CDH13: variants seen among roughly 807,000 people sequenced by gnomAD.
CDH13 encodes the protein cadherin 13.
Under a neutral mutation model 63.8 loss-of-function variants are expected in CDH13, and 24 were observed. That is an observed-to-expected ratio of 0.38 (90% CI 0.27 to 0.53). The LOEUF (loss-of-function observed/expected upper bound fraction) is 0.53. Ranked by LOEUF, CDH13 falls within the 20% of genes least tolerant of loss-of-function variation. The pLI is 0.85. For missense variants in CDH13, 1,049 were observed against 903.1 expected (o/e 1.16, Z -2.07); for synonymous variants, 503 against 355.3 (o/e 1.42, Z -4.67).
At chr16:83,777,415 C>T (rs146635777) in intron 11 of CDH13, among the ~76,000 whole-genome samples, 7 of 152,322 alleles carry the variant, frequency 4.6e-5, no homozygotes, top group African/African-American at 7.2e-5. Flanking sequence ...CCTGCAGCTG[C>T]GCTGAGTCTT....
chr16:82,685,485 G>A (rs766830857), intron 1 of CDH13, among the ~76,000 whole-genome samples: 1 of 152,186 alleles, frequency 6.6e-6, no homozygotes, highest in African/African-American at 2.4e-5. Flanking sequence ...ATGGATGTTG[G>A]GGGGAATAAA....
rs550320383 is a variant in CDH13, at chr16:83,285,243, T to C, written c.637-59619T>C. ...AACGTCTCACCTAGAAAAAAGTCAT[T>C]ATGTAGTTTTTTCTGGGCTCATGGT... On this transcript the variant is annotated intron_variant, in intron 5 of 13. Transcript: ENST00000567109. Among the ~76,000 whole-genome samples the C allele has an allele frequency of 5.9e-5, 9 of 152,146 alleles. No individual in the cohort carries two copies. The South Asian group carries it at 1.2e-3, about 21-fold the overall frequency.
At position 82,942,528 on chromosome 16, in the gene CDH13, C is replaced by T. The variant is rs1019521; in HGVS notation, c.157+84055C>T. Among the ~76,000 whole-genome samples, 658 of 152,252 alleles carry T rather than the reference C, an allele frequency of 4.3e-3. 4 individuals are homozygous for T. Among genetic ancestry groups the T allele is most frequent in the Middle Eastern group, 0.017 (5 of 294 alleles). ...AGAGGGTCAGAGTTGGCTTTCTGAGCGGATGTGCCATTTAGGTGGAGAAGT... is the reference window on the plus strand; with the variant it reads ...AGAGGGTCAGAGTTGGCTTTCTGAGTGGATGTGCCATTTAGGTGGAGAAGT... On this transcript the variant is annotated intron_variant, in intron 2 of 13. Coordinates refer to ENST00000567109, the MANE Select transcript of CDH13 (RefSeq NM_001257.5).
chr16:83,751,983 G>A (rs907532103), intron 11 of CDH13, among the ~76,000 whole-genome samples: 1 of 152,340 alleles, frequency 6.6e-6, no homozygotes, highest in South Asian at 2.1e-4. Flanking sequence ...CGACTTATCA[G>A]AACAGAAAAG....
At chr16:82,723,533 C>T (rs8055771) in intron 1 of CDH13, among the ~76,000 whole-genome samples, 2,059 of 152,154 alleles carry the variant, frequency 0.014, 38 homozygotes, top group African/African-American at 0.046. Flanking sequence ...CAAATTTGCC[C>T]TATTCCTCTG....
intron 8 of CDH13, among the ~76,000 whole-genome samples, chr16:83,629,803 C>T (rs1012516661): frequency 5.9e-5 from 9 of 152,228 alleles, no homozygotes; most frequent in African/African-American, 1.9e-4. Flanking sequence ...AATTGGAAAA[C>T]TCCTTGGCCA....
At position 82,718,402 on chromosome 16, in the gene CDH13, G is replaced by T. The variant is rs529451087; in HGVS notation, c.45+91265G>T. Among the ~76,000 whole-genome samples, 34 of 152,192 alleles carry T rather than the reference G, an allele frequency of 2.2e-4. 1 individual carries two copies. The highest frequency in any genetic ancestry group is 6.8e-3 in the Middle Eastern group (2 of 294). Reference sequence around the variant, plus strand: ...TGACAGCTCTGCTGTAGATTTCCCCGGGCAGGTGACCTCTGAACTGCCACC... The same window carrying T: ...TGACAGCTCTGCTGTAGATTTCCCCTGGCAGGTGACCTCTGAACTGCCACC... On this transcript the variant is annotated intron_variant, in intron 1 of 13. Transcript: ENST00000567109.
At chr16:83,453,864 A>G (rs1359993237) in intron 6 of CDH13, among the ~76,000 whole-genome samples, 3 of 152,160 alleles carry the variant, frequency 2.0e-5, no homozygotes, top group Non-Finnish European at 4.4e-5. Context: ...CCTGATAATG[A>G]CCCTGCCTTT....
At chr16:83,570,119 C>A (rs1011690735) in intron 7 of CDH13, among the ~76,000 whole-genome samples, 2 of 152,120 alleles carry the variant, frequency 1.3e-5, no homozygotes, top group Non-Finnish European at 2.9e-5. Context: ...TGTTTTCTTA[C>A]AAAACAGGAA....
intron 10 of CDH13, among the ~76,000 whole-genome samples, chr16:83,741,304 T>A (rs1331035914): frequency 1.3e-5 from 2 of 152,314 alleles, no homozygotes; most frequent in East Asian, 1.9e-4. Context: ...CGGGGTCCAG[T>A]GGACTGAAAT....
intron 2 of CDH13, among the ~76,000 whole-genome samples, chr16:82,868,027 T>G (rs374715444): frequency 8.5e-5 from 13 of 152,358 alleles, no homozygotes; most frequent in African/African-American, 2.6e-4. Flanking sequence ...CTTTACATAT[T>G]TTATACAAGC....
chr16:82,826,332 G>A (rs1407773143), intron 1 of CDH13: 1 of 152,136 alleles, frequency 6.6e-6, no homozygotes, highest in Non-Finnish European at 1.5e-5. Flanking sequence ...TGCTTAAATT[G>A]TCCAAGTTGA....
intron 6 of CDH13, among the ~76,000 whole-genome samples, chr16:83,393,448 A>G (rs1301624272): frequency 2.6e-5 from 4 of 152,114 alleles, no homozygotes; most frequent in Non-Finnish European, 5.9e-5. Context: ...CCAGCCCAGA[A>G]TTTCTGTCAC....
intron 2 of CDH13, among the ~76,000 whole-genome samples, chr16:82,921,986 G>C (rs1433086619): frequency 3.3e-5 from 5 of 152,018 alleles, no homozygotes; most frequent in Admixed American, 3.3e-4. Context: ...TCTTGAACCA[G>C]TTTGGTAATT....
rs563715078 is a variant in CDH13 at position 83,087,782 on chromosome 16, T to C, written c.367-37603T>C. Among the ~76,000 whole-genome samples the C allele has an allele frequency of 3.9e-5, 6 of 152,226 alleles. No homozygotes were observed. In the South Asian group the frequency reaches 6.2e-4, roughly 16 times the overall value. ...GAATTTTTAAACCTAATGATGTTTA[T>C]TTTCAAACACTTCAGTCCATTTATT... On this transcript the variant is annotated intron_variant, in intron 3 of 13. Coordinates refer to ENST00000567109, the MANE Select transcript of CDH13 (RefSeq NM_001257.5).
At chr16:82,970,924 G>A (rs1161041632) in intron 2 of CDH13, among the ~76,000 whole-genome samples, 4 of 152,102 alleles carry the variant, frequency 2.6e-5, no homozygotes, top group South Asian at 2.1e-4. Context: ...CAGAGTGCAG[G>A]CACATTTAAA....
At chr16:82,888,717 G>A (rs1167181438) in intron 2 of CDH13, among the ~76,000 whole-genome samples, 1 of 152,186 alleles carries the variant, frequency 6.6e-6, no homozygotes, top group Admixed American at 6.5e-5. Context: ...TTATTGCCTT[G>A]GACAGCAGCC....
intron 3 of CDH13, among the ~76,000 whole-genome samples, chr16:83,092,880 A>C (rs1304512532): frequency 6.6e-6 from 1 of 152,230 alleles, no homozygotes; most frequent in African/African-American, 2.4e-5. Flanking sequence ...AAGATCTGAA[A>C]GTTCTGCAGC....
At chr16:82,677,119 T>C (rs1914017825) in intron 1 of CDH13, among the ~76,000 whole-genome samples, 3 of 152,360 alleles carry the variant, frequency 2.0e-5, no homozygotes, top group Middle Eastern at 3.4e-3. Context: ...CTTGACCTCA[T>C]GATCCACCCT....
Sources: allele counts gnomAD v4.1 joint callset (sites outside exome capture counted in the v4.1 genomes callset), GRCh38; gene constraint gnomAD v4.1.1; transcripts MANE v1.5; gene names NCBI Gene and HGNC (gene_info 2026-07-23, HGNC 2026-07-21).